Variants in CDC14A observed in about 807,000 individuals in gnomAD.
CDC14A encodes the protein dual specificity protein phosphatase CDC14A.
Under a neutral mutation model 74.4 loss-of-function variants are expected in CDC14A, and 53 were observed. The ratio of observed to expected loss-of-function variants is 0.71; its 90% confidence interval spans 0.57 to 0.89. The LOEUF (loss-of-function observed/expected upper bound fraction) is 0.89, where lower values mean the gene tolerates loss of function less well. Among genes scored for constraint, CDC14A ranks in the 40% least tolerant of loss-of-function variants. The pLI is 0.00. For missense variants in CDC14A, 646 were observed against 713.7 expected, an observed-to-expected ratio of 0.91 and a Z score of 1.08; for synonymous variants, 247 against 258.4, an observed-to-expected ratio of 0.96 and a Z score of 0.43.
intron 5 of CDC14A, among the ~76,000 whole-genome samples, chr1:100,426,906 A>G (rs998999285): frequency 1.3e-5 from 2 of 152,238 alleles, no homozygotes; most frequent in Non-Finnish European, 2.9e-5. Flanking sequence ...AAATACCACA[A>G]AGTAGTACAT....
chr1:100,463,117 C>CT (rs1667474372), intron 9 of CDC14A, among the ~76,000 whole-genome samples: 1 of 152,112 alleles, frequency 6.6e-6, no homozygotes, highest in African/African-American at 2.4e-5. Context: ...CAGACCTTAC[C>CT]TTTCCAGGCC....
At chr1:100,355,901 G>A (rs1352213624) in intron 2 of CDC14A, among the ~76,000 whole-genome samples, 6 of 152,218 alleles carry the variant, frequency 3.9e-5, no homozygotes, top group African/African-American at 1.4e-4. Context: ...GCTAGGAGAG[G>A]CATTCACAGG....
intron 5 of CDC14A, among the ~76,000 whole-genome samples, chr1:100,435,632 C>T (rs1664228118): frequency 6.6e-6 from 1 of 151,888 alleles, no homozygotes; most frequent in Admixed American, 6.6e-5. Flanking sequence ...AGTTCGAGAC[C>T]AGCCTGGCTG....
At chr1:100,381,038 G>A (rs1482849509) in intron 3 of CDC14A, among the ~76,000 whole-genome samples, 4 of 152,198 alleles carry the variant, frequency 2.6e-5, no homozygotes, top group Non-Finnish European at 4.4e-5. Flanking sequence ...GTAATTACCT[G>A]TTTGCACCTG....
chr1:100,495,667 G>A (rs924612026), intron 12 of CDC14A, among the ~76,000 whole-genome samples: 5 of 152,042 alleles, frequency 3.3e-5, no homozygotes, highest in Non-Finnish European at 7.4e-5. Flanking sequence ...ATGTTTTGCC[G>A]GTATGGTAAA....
rs1380823892 is a variant in CDC14A, at chr1:100,412,533, A to G, written c.310-11689A>G. 2.7e-5 allele frequency among the ~76,000 whole-genome samples: 4 copies of G among 148,696 alleles called. No homozygotes were observed. The South Asian group carries it at 8.4e-4, about 31-fold the overall frequency. On this transcript the variant is annotated intron_variant, in intron 4 of 15. Coordinates refer to ENST00000336454, the MANE Select transcript of CDC14A (RefSeq NM_003672.4). ...TTTCCTTACTACCAGGAAACCTGCC[A>G]TTCAAGTCTTGTTGCTCATAGGAAG... is the stretch of plus-strand genomic sequence containing the variant.
intron 11 of CDC14A, among the ~76,000 whole-genome samples, chr1:100,491,546 CTCTATATA>C (rs1263772025): frequency 3.0e-4 from 12 of 39,922 alleles, no homozygotes; most frequent in South Asian, 1.1e-3. Flanking sequence ...CTCTCTCTCT[CTCTATATA>C]TATATATATA....
At position 100,462,753 on chromosome 1, in the gene CDC14A, T is replaced by C. The variant is rs149767392; in HGVS notation, c.710T>C (p.Phe237Ser). The C allele has an allele frequency of 1.2e-6, 2 of 1,614,150 alleles. No individual in the cohort carries two copies. Among genetic ancestry groups the C allele is most frequent in the Non-Finnish European group, 1.7e-6 (2 of 1,180,000 alleles). The change falls in exon 9 of 16, where the codon TTC becomes TCC. Residue 237 changes from phenylalanine to serine, a missense_variant. Coordinates refer to ENST00000336454, the MANE Select transcript of CDC14A (RefSeq NM_003672.4). Reference sequence around the variant, plus strand: ...AAAAAGATTTATGAGGCAAAGCGCTTCACAGACGCTGGCTTCGAGCACTAT... The same window carrying C: ...AAAAAGATTTATGAGGCAAAGCGCTCCACAGACGCTGGCTTCGAGCACTAT... ...LNKKIYEAKR[F>S]TDAGFEHYDL...
intron 10 of CDC14A, among the ~76,000 whole-genome samples, chr1:100,469,557 G>T (rs1488936927): frequency 6.6e-6 from 1 of 152,108 alleles, no homozygotes; most frequent in African/African-American, 2.4e-5. Flanking sequence ...TATCTGCCAG[G>T]TTCTCATTAT....
chr1:100,389,857 T>C (rs1409569952), intron 3 of CDC14A, among the ~76,000 whole-genome samples: 1 of 152,192 alleles, frequency 6.6e-6, no homozygotes, highest in Non-Finnish European at 1.5e-5. Flanking sequence ...TATGTACCTA[T>C]ATTTAGAAAA....
At chr1:100,491,538 CTCTCTCTCTCTATATA>C (rs1158896519) in intron 11 of CDC14A, among the ~76,000 whole-genome samples, 2 of 38,552 alleles carry the variant, frequency 5.2e-5, no homozygotes, top group African/African-American at 1.7e-4. Flanking sequence ...CTCTCTCTCT[CTCTCTCTCTCTATATA>C]TATATATATA....
intron 4 of CDC14A, chr1:100,393,734 T>G: frequency 1.6e-5 from 6 of 364,370 alleles, no homozygotes; most frequent in South Asian, 4.4e-5. Context: ...GGCGGGCGGA[T>G]CACAAGGTCA....
chr1:100,494,567 C>G (rs1005537737), intron 11 of CDC14A, among the ~76,000 whole-genome samples: 4 of 152,128 alleles, frequency 2.6e-5, no homozygotes. Flanking sequence ...GTGTAACAAA[C>G]AGCTCCTTGT....
chr1:100,440,102 G>A, intron 6 of CDC14A, 104 bp downstream of exon 6: 4 of 821,570 alleles, frequency 4.9e-6, no homozygotes, highest in Non-Finnish European at 8.0e-6. Context: ...AGAAAGGGGA[G>A]CCAGTAAGTA....
chr1:100,424,412 G>T, intron 5 of CDC14A, 111 bp downstream of exon 5: 2 of 736,648 alleles, frequency 2.7e-6, no homozygotes, highest in Non-Finnish European at 2.4e-6. Context: ...TATGTTATAT[G>T]GAATGAAATG....
intron 5 of CDC14A, among the ~76,000 whole-genome samples, chr1:100,436,204 T>C (rs569186014): frequency 4.6e-5 from 7 of 152,246 alleles, no homozygotes; most frequent in African/African-American, 1.7e-4. Flanking sequence ...TATCTTTCTG[T>C]CTCCCAGGGC....
At chr1:100,429,234 T>TAA (rs60569646) in intron 5 of CDC14A, among the ~76,000 whole-genome samples, 74 of 146,482 alleles carry the variant, frequency 5.1e-4, no homozygotes, top group South Asian at 1.3e-3. Context: ...AATAAATAAA[T>TAA]ATAAAATAAA....
intron 5 of CDC14A, among the ~76,000 whole-genome samples, chr1:100,431,813 G>A (rs1410166519): frequency 6.6e-6 from 1 of 151,552 alleles, no homozygotes; most frequent in South Asian, 2.1e-4. Flanking sequence ...TCGTGCTGCT[G>A]TGACAGAATG....
At chr1:100,382,880 T>C (rs1302550913) in intron 3 of CDC14A, among the ~76,000 whole-genome samples, 1 of 152,244 alleles carries the variant, frequency 6.6e-6, no homozygotes, top group Non-Finnish European at 1.5e-5. Context: ...GGAATGTCCT[T>C]GTTGCTGAAT....
Sources: allele counts gnomAD v4.1 joint callset (sites outside exome capture counted in the v4.1 genomes callset), GRCh38; gene constraint gnomAD v4.1.1; transcripts MANE v1.5; gene names NCBI Gene and HGNC (gene_info 2026-07-23, HGNC 2026-07-21).